The following OPCML variants were observed in gnomAD, a reference collection of about 807,000 sequenced individuals.
OPCML encodes the protein opioid binding protein/cell adhesion molecule like.
In OPCML, 13 loss-of-function variants were observed where a neutral mutation model predicts 37.8. The observed-to-expected ratio is 0.34, with a 90% CI of 0.22 to 0.55. OPCML has a LOEUF of 0.55. OPCML is among the 20% of genes least tolerant of loss of function. The pLI, the probability that OPCML is intolerant of heterozygous loss-of-function variation, is 0.91. For missense variants in OPCML, 341 were observed against 435.6 expected (o/e 0.78, Z 1.93); for synonymous variants, 176 against 168.8 (o/e 1.04, Z -0.33).
At chr11:133,221,431 G>C (rs541947773) in intron 1 of OPCML, among the ~76,000 whole-genome samples, 2 of 152,178 alleles carry the variant, frequency 1.3e-5, no homozygotes, top group Non-Finnish European at 2.9e-5. Flanking sequence ...CTTTCGTAAC[G>C]TGGAGCTAAC....
intron 1 of OPCML, among the ~76,000 whole-genome samples, chr11:133,491,850 G>C (rs1947670678): frequency 6.6e-6 from 1 of 152,202 alleles, no homozygotes; most frequent in Non-Finnish European, 1.5e-5. Flanking sequence ...AAAAGTGAAA[G>C]AAGGATCAGG....
chr11:133,009,834 C>G (rs571824147), intron 1 of OPCML, among the ~76,000 whole-genome samples: 5 of 152,266 alleles, frequency 3.3e-5, no homozygotes, highest in Admixed American at 3.3e-4. Flanking sequence ...TGCTGTGTGG[C>G]CCAGTTCCTA....
Position 133,529,378 on chromosome 11 carries a change from C to T in OPCML, c.61+2886G>A, listed in dbSNP as rs147353743. Reference sequence around the variant, plus strand: ...CACCAGCCCAGACTATCTCTCTCCTCCTACTAGAACAACAAAATTACCCCA... The same window carrying T: ...CACCAGCCCAGACTATCTCTCTCCTTCTACTAGAACAACAAAATTACCCCA... On this transcript the variant is annotated intron_variant, in intron 1 of 7. Transcript: ENST00000524381. 1.7e-3 allele frequency among the ~76,000 whole-genome samples: 257 copies of T among 152,348 alleles called. 2 individuals carry two copies. The highest frequency in any genetic ancestry group is 5.6e-3 in the African/African-American group (232 of 41,588).
chr11:132,944,678 G>T (rs889358307), intron 1 of OPCML, among the ~76,000 whole-genome samples: 1 of 152,208 alleles, frequency 6.6e-6, no homozygotes, highest in African/African-American at 2.4e-5. Context: ...CAGTGGTGCT[G>T]GGAGGTGACT....
At chr11:132,918,488 C>T (rs879100911) in intron 2 of OPCML, among the ~76,000 whole-genome samples, 1 of 152,186 alleles carries the variant, frequency 6.6e-6, no homozygotes, top group Admixed American at 6.5e-5. Flanking sequence ...TGGAATCATA[C>T]AGCGTGTGCA....
intron 2 of OPCML, among the ~76,000 whole-genome samples, chr11:132,910,727 C>T (rs953315881): frequency 1.2e-4 from 19 of 152,162 alleles, no homozygotes; most frequent in Non-Finnish European, 5.9e-5. Flanking sequence ...AATATATGCA[C>T]ACACATAGAA....
chr11:133,331,860 C>T (rs1943626217), intron 1 of OPCML, among the ~76,000 whole-genome samples: 1 of 151,958 alleles, frequency 6.6e-6, no homozygotes, highest in Non-Finnish European at 1.5e-5. Context: ...GCCATGGTGG[C>T]TACTTTTTCC....
At chr11:132,935,755 G>A (rs1388532990) in intron 2 of OPCML, among the ~76,000 whole-genome samples, 1 of 152,196 alleles carries the variant, frequency 6.6e-6, no homozygotes, top group Non-Finnish European at 1.5e-5. Context: ...GTGAATACAA[G>A]GATGGGAGGG....
intron 1 of OPCML, among the ~76,000 whole-genome samples, chr11:133,138,934 A>G (rs1212304649): frequency 6.6e-6 from 1 of 152,238 alleles, no homozygotes; most frequent in African/African-American, 2.4e-5. Flanking sequence ...TTTCATTGAC[A>G]TGAACCTCCT....
At chr11:132,619,098 T>C (rs1181645145) in intron 3 of OPCML, among the ~76,000 whole-genome samples, 3 of 152,074 alleles carry the variant, frequency 2.0e-5, no homozygotes, top group African/African-American at 7.2e-5. Flanking sequence ...CATAGCTATC[T>C]CTTTAACCTG....
intron 4 of OPCML, among the ~76,000 whole-genome samples, chr11:132,478,937 G>A (rs2096167332): frequency 6.6e-6 from 1 of 152,090 alleles, no homozygotes; most frequent in African/African-American, 2.4e-5. Context: ...CTCATCAGCT[G>A]AACATGTATC....
chr11:133,182,408 C>G (rs1442646765), intron 1 of OPCML, among the ~76,000 whole-genome samples: 1 of 152,154 alleles, frequency 6.6e-6, no homozygotes, highest in Non-Finnish European at 1.5e-5. Flanking sequence ...ATCTCTTATT[C>G]TTTTTTATTA....
rs556304703 is a variant in OPCML at position 132,792,787 on chromosome 11, C to T, written c.147-135468G>A. ...TTCAGCTGAGTGCAAGGGTGGCTCC[C>T]GCAGCCCCTGCCTGTCCATTGTGTT... On this transcript the variant is annotated intron_variant, in intron 2 of 7. Transcript: ENST00000524381. Among the ~76,000 whole-genome samples, 3 of 152,128 alleles carry T rather than the reference C, an allele frequency of 2.0e-5. No individual in the cohort carries two copies. The South Asian group carries it at 6.2e-4, about 32-fold the overall frequency.
chr11:133,081,256 A>C (rs1948712423), intron 1 of OPCML, among the ~76,000 whole-genome samples: 1 of 151,970 alleles, frequency 6.6e-6, no homozygotes, highest in Non-Finnish European at 1.5e-5. Flanking sequence ...TGAACAGTTA[A>C]TTCTCCGTTT....
At chr11:133,158,767 A>AT (rs1565478776) in intron 1 of OPCML, among the ~76,000 whole-genome samples, 1 of 141,126 alleles carries the variant, frequency 7.1e-6, no homozygotes, top group African/African-American at 2.7e-5. Flanking sequence ...TGAAAATTAA[A>AT]AAAAATTTCT....
chr11:133,132,725 T>TAA (rs1169719769), intron 1 of OPCML, among the ~76,000 whole-genome samples: 9 of 152,162 alleles, frequency 5.9e-5, no homozygotes, highest in African/African-American at 2.2e-4. Context: ...TCAAAATACT[T>TAA]ACGTTGAGTG....
intron 1 of OPCML, among the ~76,000 whole-genome samples, chr11:133,068,961 AC>A (rs1404425222): frequency 6.6e-6 from 1 of 152,242 alleles, no homozygotes; most frequent in Non-Finnish European, 1.5e-5. Context: ...AAAGAGGCAA[AC>A]AGAATCAGGA....
intron 2 of OPCML, among the ~76,000 whole-genome samples, chr11:132,728,000 C>T (rs980560816): frequency 3.3e-5 from 5 of 152,126 alleles, no homozygotes; most frequent in African/African-American, 9.7e-5. Context: ...TTCCCTTCCA[C>T]GGCTAAGAGG....
At chr11:133,210,980 G>A (rs73598432) in intron 1 of OPCML, among the ~76,000 whole-genome samples, 5,074 of 152,032 alleles carry the variant, frequency 0.033, 289 homozygotes, top group African/African-American at 0.12. Context: ...CTTTACTCCC[G>A]TAAGAGGAAA....
Sources: allele counts gnomAD v4.1 joint callset (sites outside exome capture counted in the v4.1 genomes callset), GRCh38; gene constraint gnomAD v4.1.1; transcripts MANE v1.5; gene names NCBI Gene and HGNC (gene_info 2026-07-23, HGNC 2026-07-21).